CCDC171: variants seen among roughly 807,000 people sequenced by gnomAD.
CCDC171 encodes the protein coiled-coil domain containing 171, also known as coiled-coil domain-containing protein 171.
In CCDC171, 177 loss-of-function variants were observed where a neutral mutation model predicts 168.2. The ratio of observed to expected loss-of-function variants is 1.05; its 90% CI spans 0.93 to 1.19. The LOEUF is 1.19. Ranked by LOEUF, CCDC171 falls within the 50% of genes most tolerant of loss-of-function variation. The probability of loss-of-function intolerance (pLI) is 0.00; values close to 1 mark genes in which losing one functional copy is unlikely to be tolerated. For synonymous variants in CCDC171, 687 were observed against 540.8 expected, an observed-to-expected ratio of 1.27 and a Z score of -3.75; for missense variants, 1,991 against 1,539.0, an observed-to-expected ratio of 1.29 and a Z score of -4.91.
At position 15,728,256 on chromosome 9, in the gene CCDC171, T is replaced by C. The variant is rs532909257; in HGVS notation, c.1860+220T>C. Among the ~76,000 whole-genome samples the C allele has an allele frequency of 5.9e-5, 9 of 152,226 alleles. No homozygotes were observed. In the East Asian group the frequency reaches 1.7e-3, roughly 29 times the overall value. On this transcript the variant is annotated intron_variant, in intron 15 of 25. Transcript: ENST00000380701. Reference sequence around the variant, plus strand: ...CTGTATGAAGTCTCTAAGCTCCACTTTCTGTGCAGGACATGCTAATACTAC... The same window carrying C: ...CTGTATGAAGTCTCTAAGCTCCACTCTCTGTGCAGGACATGCTAATACTAC...
intron 24 of CCDC171, among the ~76,000 whole-genome samples, chr9:15,900,205 A>T (rs895625377): frequency 6.6e-6 from 1 of 152,148 alleles, no homozygotes; most frequent in East Asian, 1.9e-4. Context: ...ATTGTCCTGG[A>T]TGGGCCTGAC....
intron 6 of CCDC171, among the ~76,000 whole-genome samples, chr9:15,600,945 A>T (rs577518020): frequency 9.9e-5 from 15 of 152,260 alleles, no homozygotes; most frequent in African/African-American, 3.6e-4. Flanking sequence ...CAAGCGCGGG[A>T]TACAATCTCC....
At chr9:15,888,147 T>G (rs1819681391) in intron 24 of CCDC171, 1 of 152,244 alleles carries the variant, frequency 6.6e-6, no homozygotes, top group African/African-American at 2.4e-5. Flanking sequence ...CTTTTCTTGC[T>G]GATTATTAGT....
At chr9:16,081,883 T>C in the CCDC171 span, among the ~76,000 whole-genome samples, 2 of 151,984 alleles carry the variant, frequency 1.3e-5, no homozygotes, top group Non-Finnish European at 2.9e-5. Context: ...ACAGAGATGC[T>C]CACTGCATCC....
chr9:16,108,491 C>T, the CCDC171 span, among the ~76,000 whole-genome samples: 1 of 152,192 alleles, frequency 6.6e-6, no homozygotes, highest in Non-Finnish European at 1.5e-5. Context: ...ATGCTCTGTG[C>T]CGCCCATAGG....
Position 15,802,309 on chromosome 9 carries a change from C to A in CCDC171, c.3267+17615C>A, listed in dbSNP as rs140626333. ...GCAGGATGTGCAGATTTGTTACCTA[C>A]GTAAATGTGTGCCATTGTGGTTTGC... On this transcript the variant is annotated intron_variant, in intron 21 of 25. Coordinates refer to ENST00000380701, the MANE Select transcript of CCDC171 (RefSeq NM_173550.4). Among the ~76,000 whole-genome samples the A allele has an allele frequency of 2.0e-5, 3 of 152,000 alleles. No individual in the cohort carries two copies. The South Asian group carries it at 6.2e-4, about 32-fold the overall frequency.
intron 18 of CCDC171, among the ~76,000 whole-genome samples, chr9:15,770,840 ATCAC>A (rs1419581776): frequency 6.6e-6 from 1 of 152,208 alleles, no homozygotes; most frequent in Non-Finnish European, 1.5e-5. Flanking sequence ...GAAAGTAAAA[ATCAC>A]TCAAAGGGTC....
intron 18 of CCDC171, among the ~76,000 whole-genome samples, chr9:15,772,338 A>G (rs1189417631): frequency 3.3e-5 from 5 of 152,124 alleles, no homozygotes; most frequent in African/African-American, 4.8e-5. Context: ...CAGTAAGACA[A>G]ATTCGCTTAC....
chr9:16,092,359 G>C, the CCDC171 span, among the ~76,000 whole-genome samples: 1 of 152,176 alleles, frequency 6.6e-6, no homozygotes, highest in Non-Finnish European at 1.5e-5. Flanking sequence ...CCAAAGGTGT[G>C]GGTGGCCCCC....
At chr9:15,576,199 T>G (rs951668468) in intron 3 of CCDC171, among the ~76,000 whole-genome samples, 3 of 151,988 alleles carry the variant, frequency 2.0e-5, no homozygotes, top group African/African-American at 4.8e-5. Flanking sequence ...AAATCTTTTT[T>G]TAGAGACAGG....
intron 25 of CCDC171, among the ~76,000 whole-genome samples, chr9:15,958,119 CATT>C (rs1266278887): frequency 4.3e-5 from 6 of 139,800 alleles, no homozygotes; most frequent in African/African-American, 1.6e-4. Context: ...CTCATCCATT[CATT>C]CATTCATTCA....
intron 6 of CCDC171, among the ~76,000 whole-genome samples, chr9:16,029,862 TA>T (rs1833339089): frequency 6.6e-6 from 1 of 152,230 alleles, no homozygotes. Context: ...CAACTGGGAC[TA>T]AGTCATAGTT....
chr9:15,907,686 C>T (rs1415917788), intron 24 of CCDC171, among the ~76,000 whole-genome samples: 34 of 152,258 alleles, frequency 2.2e-4, no homozygotes, highest in Non-Finnish European at 7.4e-5. Flanking sequence ...AGAGCTTCTG[C>T]ACAGCAAAAG....
chr9:15,995,541 C>A (rs906973611), intron 3 of CCDC171, among the ~76,000 whole-genome samples: 2 of 152,202 alleles, frequency 1.3e-5, no homozygotes, highest in African/African-American at 2.4e-5. Context: ...CCCTTGGAAT[C>A]CTTAATTTCT....
In CCDC171 at chr9:15,623,388, A is replaced by G; in HGVS notation, c.797A>G (p.Glu266Gly). ...TSELEFSTQR[E>G]ERLRKEFEAT... is the part of the protein sequence containing the mutation. ...GAACTTGAATTTAGCACTCAACGAG[A>G]GGAACGCCTTAGAAAAGAATTTGAG... The change falls in exon 7 of 26, where the codon GAG (glutamate) becomes GGG (glycine). Residue 266 changes from glutamate to glycine, a missense_variant. By Grantham distance (98) the Glu-to-Gly change is moderately conservative. Coordinates refer to ENST00000380701, the MANE Select transcript of CCDC171 (RefSeq NM_173550.4). The G allele has an allele frequency of 6.2e-7, 1 of 1,610,460 alleles. No homozygotes were observed. The highest frequency in any genetic ancestry group is 8.5e-7 in the Non-Finnish European group (1 of 1,177,928).
chr9:15,623,158 T>C, intron 6 of CCDC171, 109 bp from the exon 7 acceptor site: 1 of 668,338 alleles, frequency 1.5e-6, no homozygotes, highest in Non-Finnish European at 2.3e-6. Context: ...AATTAACCTA[T>C]TATTATAGTT....
rs1426252994 is a variant in CCDC171 at position 15,946,430 on chromosome 9, A to C, written c.3754-25179A>C. ...GAACTCCCATTCACAATTGCTTCAA[A>C]GAGAATAAAATACCTAAGAATCCAC... On this transcript the variant is annotated intron_variant, in intron 25 of 25. Coordinates refer to ENST00000380701, the MANE Select transcript of CCDC171 (RefSeq NM_173550.4). 3.9e-5 allele frequency among the ~76,000 whole-genome samples: 6 copies of C among 152,136 alleles called. No homozygotes were observed. In the East Asian group the frequency reaches 1.2e-3, roughly 30 times the overall value.
At chr9:16,008,568 C>T (rs912699770) in intron 3 of CCDC171, among the ~76,000 whole-genome samples, 1 of 152,156 alleles carries the variant, frequency 6.6e-6, no homozygotes, top group South Asian at 2.1e-4. Flanking sequence ...TGGATCCATC[C>T]TAGTGGTTGC....
chr9:15,835,122 A>G (rs1273738638), intron 21 of CCDC171, among the ~76,000 whole-genome samples: 1 of 152,196 alleles, frequency 6.6e-6, no homozygotes, highest in East Asian at 1.9e-4. Flanking sequence ...TGGGAATCAG[A>G]TGGATATGTA....
Sources: gnomAD v4.1 joint callset for allele counts (sites outside exome capture counted in the v4.1 genomes callset) on GRCh38, gnomAD v4.1.1 for gene constraint, MANE v1.5 for transcripts, NCBI Gene and HGNC (gene_info 2026-07-23, HGNC 2026-07-21) for gene names.